CNTN4: variants seen among roughly 807,000 people sequenced by gnomAD.
CNTN4 encodes the protein contactin 4.
In CNTN4, 77 loss-of-function variants were observed where a neutral mutation model predicts 122.5. That is an observed-to-expected ratio of 0.63 (90% CI 0.52 to 0.76). CNTN4 has a LOEUF of 0.76. Among genes scored for constraint, CNTN4 ranks in the 30% least tolerant of loss-of-function variants. The pLI is 0.00. For missense variants in CNTN4, 1,256 were observed against 1,259.1 expected (o/e 1.00, Z 0.04); for synonymous variants, 512 against 447.0 (o/e 1.15, Z -1.83).
chr3:2,997,138 A>G (rs987990623), intron 14 of CNTN4, among the ~76,000 whole-genome samples: 3 of 152,230 alleles, frequency 2.0e-5, no homozygotes, highest in South Asian at 4.1e-4. Context: ...AATAATTTCC[A>G]TAGCTGAAAT....
intron 2 of CNTN4, among the ~76,000 whole-genome samples, chr3:2,326,519 C>CACACACACACACACACAT (rs537814755): frequency 1.4e-5 from 2 of 140,006 alleles, no homozygotes; most frequent in Non-Finnish European, 3.2e-5. Flanking sequence ...CACACACACA[C>CACACACACACACACACAT]ACACACACAA....
intron 3 of CNTN4, among the ~76,000 whole-genome samples, chr3:2,461,294 C>T (rs1179954223): frequency 6.6e-6 from 1 of 152,092 alleles, no homozygotes; most frequent in African/African-American, 2.4e-5. Context: ...TAACTGTTTT[C>T]ACTCTTCTTC....
At chr3:2,452,656 A>G (rs965833159) in intron 3 of CNTN4, among the ~76,000 whole-genome samples, 1 of 152,276 alleles carries the variant, frequency 6.6e-6, no homozygotes. Flanking sequence ...ATCTTTAATG[A>G]ATGCCAGGCT....
intron 4 of CNTN4, among the ~76,000 whole-genome samples, chr3:2,686,758 A>C (rs2085452758): frequency 6.6e-6 from 1 of 152,214 alleles, no homozygotes; most frequent in Non-Finnish European, 1.5e-5. Context: ...CTCTGAGCAC[A>C]TGCAAAGTTT....
chr3:2,865,948 A>ATCAC (rs2093719292), intron 7 of CNTN4, among the ~76,000 whole-genome samples: 1 of 152,202 alleles, frequency 6.6e-6, no homozygotes, highest in Non-Finnish European at 1.5e-5. Context: ...TTGCTGTTTT[A>ATCAC]TCACTATCTC....
At chr3:2,779,996 T>C (rs2091503531) in intron 6 of CNTN4, among the ~76,000 whole-genome samples, 2 of 152,252 alleles carry the variant, frequency 1.3e-5, no homozygotes, top group African/African-American at 2.4e-5. Context: ...CTGACCATTA[T>C]CATTTTAAGT....
At chr3:2,103,252 A>G (rs978673760) in intron 2 of CNTN4, among the ~76,000 whole-genome samples, 4 of 150,898 alleles carry the variant, frequency 2.7e-5, no homozygotes, top group Non-Finnish European at 5.9e-5. Flanking sequence ...ACTTTTGCCT[A>G]TATATAAAAA....
chr3:2,959,524 C>A (rs1024719469), intron 13 of CNTN4, among the ~76,000 whole-genome samples: 1 of 151,816 alleles, frequency 6.6e-6, no homozygotes, highest in African/African-American at 2.4e-5. Flanking sequence ...AGGAGCTTAC[C>A]CTTGGCTTTA....
intron 2 of CNTN4, among the ~76,000 whole-genome samples, chr3:2,102,807 G>A (rs1156994592): frequency 1.3e-5 from 2 of 152,116 alleles, no homozygotes; most frequent in Non-Finnish European, 2.9e-5. Flanking sequence ...TGTTATCCAG[G>A]AAGTAGAAGA....
At chr3:2,706,676 C>T (rs1362067560) in intron 4 of CNTN4, among the ~76,000 whole-genome samples, 1 of 152,114 alleles carries the variant, frequency 6.6e-6, no homozygotes, top group South Asian at 2.1e-4. Context: ...ACTGCTTAAT[C>T]TATATGACTG....
At chr3:2,712,541 C>A (rs1013869040) in intron 4 of CNTN4, among the ~76,000 whole-genome samples, 1 of 152,164 alleles carries the variant, frequency 6.6e-6, no homozygotes, top group Non-Finnish European at 1.5e-5. Flanking sequence ...CTGAAGCCTA[C>A]AGAAATGAAG....
chr3:2,707,316 A>AAT (rs759230217), intron 4 of CNTN4, among the ~76,000 whole-genome samples: 1 of 147,548 alleles, frequency 6.8e-6, no homozygotes, highest in African/African-American at 2.6e-5. Flanking sequence ...AAAAAAAAAA[A>AAT]CCCAAAAAAA....
intron 4 of CNTN4, among the ~76,000 whole-genome samples, chr3:2,711,054 T>C (rs1347598727): frequency 1.3e-5 from 2 of 152,200 alleles, no homozygotes; most frequent in African/African-American, 4.8e-5. Context: ...CAGCCCAAAG[T>C]AGAGATCTAA....
At chr3:2,933,942 G>A (rs6442767) in intron 13 of CNTN4, among the ~76,000 whole-genome samples, 113,059 of 152,022 alleles carry the variant, frequency 0.74, 42,189 homozygotes, top group Middle Eastern at 0.82. Context: ...GAGAATGAGC[G>A]GAAGCCACGC....
chr3:3,007,051 T>C (rs777040704), intron 14 of CNTN4, among the ~76,000 whole-genome samples: 11 of 152,212 alleles, frequency 7.2e-5, no homozygotes, highest in Non-Finnish European at 1.5e-4. Flanking sequence ...AGCAGTGTTT[T>C]TGTAGCAGCA....
intron 3 of CNTN4, among the ~76,000 whole-genome samples, chr3:2,530,307 T>C (rs1285935168): frequency 6.7e-6 from 1 of 149,356 alleles, no homozygotes; most frequent in Non-Finnish European, 1.5e-5. Flanking sequence ...CTTTCTCCTC[T>C]TCTTTTTTTT....
At chr3:2,626,836 G>A (rs551732599) in intron 4 of CNTN4, among the ~76,000 whole-genome samples, 9 of 152,080 alleles carry the variant, frequency 5.9e-5, no homozygotes, top group Admixed American at 3.3e-4. Context: ...AAATTGTTAC[G>A]AGGAGGAAGC....
At position 2,665,880 on chromosome 3, in the gene CNTN4, C is replaced by T. The variant is rs551293803; in HGVS notation, c.56-70335C>T. Reference sequence around the variant, plus strand: ...AACGTGGCGTGTGGTATCAGTGGAACGGATGCTTTCATCTGCCTTTTTTCG... The same window carrying T: ...AACGTGGCGTGTGGTATCAGTGGAATGGATGCTTTCATCTGCCTTTTTTCG... On this transcript the variant is annotated intron_variant, in intron 4 of 24. Transcript: ENST00000418658. 8.5e-5 allele frequency among the ~76,000 whole-genome samples: 13 copies of T among 152,296 alleles called. No individual in the cohort carries two copies. In the South Asian group the frequency reaches 1.0e-3, roughly 12 times the overall value.
In CNTN4 at chr3:2,479,638, G is replaced by C. The variant is rs35346733; in HGVS notation, c.-88-91778G>C. ...ACTGGGGGAGGGACTTGCATGCTAG[G>C]AGATAAATTACCTGCTGTAGCTTCC... On this transcript the variant is annotated intron_variant, in intron 3 of 24. Transcript: ENST00000418658. Among the ~76,000 whole-genome samples the C allele has an allele frequency of 2.0e-3, 310 of 152,152 alleles. 1 individual carries two copies. Among genetic ancestry groups the C allele is most frequent in the Non-Finnish European group, 3.5e-3 (239 of 67,988 alleles).
Sources: allele counts gnomAD v4.1 joint callset (sites outside exome capture counted in the v4.1 genomes callset), GRCh38; gene constraint gnomAD v4.1.1; transcripts MANE v1.5; gene names NCBI Gene and HGNC (gene_info 2026-07-23, HGNC 2026-07-21).